Variants in INPP5J observed in about 807,000 individuals in gnomAD.
INPP5J encodes phosphatidylinositol 4,5-bisphosphate 5-phosphatase A.
In INPP5J, 75 loss-of-function variants were observed where a neutral mutation model predicts 86.6. That is an observed-to-expected ratio of 0.87 (90% CI 0.72 to 1.05). INPP5J has a LOEUF of 1.05. Ranked by LOEUF, INPP5J falls within the 50% of genes least tolerant of loss-of-function variation. The pLI is 0.00. For missense variants in INPP5J, 1,229 were observed against 1,341.2 expected, an observed-to-expected ratio of 0.92 and a Z score of 1.31; for synonymous variants, 540 against 550.0, an observed-to-expected ratio of 0.98 and a Z score of 0.25.
At chr22:31,127,182 C>T in intron 5 of INPP5J, 145 bp downstream of exon 5, 1 of 777,584 alleles carries the variant, frequency 1.3e-6, no homozygotes, top group Non-Finnish European at 2.1e-6. Context: ...CCCAATACCC[C>T]ATCCTATTCC....
At position 31,125,228 on chromosome 22, in the gene INPP5J, C is replaced by T; in HGVS notation, c.489C>T (p.Ser163=). Residue 163 remains serine (S), a synonymous_variant, in exon 2 of 13, where the codon TCC becomes TCT. Coordinates refer to ENST00000331075, the MANE Select transcript of INPP5J (RefSeq NM_001284285.2). ...TGGGGCCCAATCTGGCCCCAACCTC[C>T]AGAGACCAGAAGCAGGAGCCACCTG... is the stretch of plus-strand genomic sequence containing the variant. The part of the protein sequence containing the change: ...VTLGPNLAPT[S]RDQKQEPPAS... 1 of 1,550,566 alleles carries T rather than the reference C, an allele frequency of 6.4e-7. No homozygotes were observed. Among genetic ancestry groups the T allele is most frequent in the Non-Finnish European group, 8.7e-7 (1 of 1,146,978 alleles).
Position 31,126,025 on chromosome 22 carries a change from T to C in INPP5J, c.1271+15T>C. The C allele has an allele frequency of 6.5e-7, 1 of 1,544,038 alleles. No individual in the cohort carries two copies. Among genetic ancestry groups the C allele is most frequent in the Non-Finnish European group, 8.7e-7 (1 of 1,145,710 alleles). ...CCCGGCTTCCGGTGAGGGGGCCCTC[T>C]CCCAAGAAAGGTGGCTGGGGCTTAG... On this transcript the variant is annotated intron_variant, in intron 2 of 12. Coordinates refer to ENST00000331075, the MANE Select transcript of INPP5J (RefSeq NM_001284285.2).
chr22:31,129,232 C>CTTTTTTT (rs576089657), intron 9 of INPP5J, among the ~76,000 whole-genome samples: 6,031 of 79,032 alleles, frequency 0.076, 529 homozygotes, highest in Non-Finnish European at 0.11. Context: ...GTCTGGCCAA[C>CTTTTTTT]TTTTTTTTTT....
In INPP5J at chr22:31,122,988, G is replaced by A. The variant is rs1026416737; in HGVS notation, c.-27G>A. 14 of 1,382,372 alleles carry A rather than the reference G, an allele frequency of 1.0e-5. No individual in the cohort carries two copies. In the African/African-American group the frequency reaches 1.8e-4, roughly 18 times the overall value. 85.6% of individuals were successfully genotyped at this position (1,382,372 alleles called of 1,614,324 possible). On this transcript the variant is annotated 5_prime_UTR_variant, in exon 1 of 13. Transcript: ENST00000331075. ...GGTAGAGCTGGAGCCGGAGCCAAGG[G>A]AGTCCAGGCTGCCGGGGGCTGCAGA...
At chr22:31,128,432 C>A in intron 8 of INPP5J, 39 bp from the exon 9 acceptor site, 1 of 1,607,696 alleles carries the variant, frequency 6.2e-7, no homozygotes, top group East Asian at 2.2e-5. Flanking sequence ...CATCTTGATC[C>A]CCAGCCCCTG....
At position 31,133,920 on chromosome 22, in the gene INPP5J, T is replaced by C; in HGVS notation, c.2522T>C (p.Leu841Pro). The C allele has an allele frequency of 6.2e-7, 1 of 1,610,506 alleles. No individual in the cohort carries two copies. The highest frequency in any genetic ancestry group is 1.1e-5 in the South Asian group (1 of 91,004). ...GACCAGCATTTCCCCCAGATCTCGC[T>C]GCCTTCCTCGGAGTTGGCCAGCAGC... ...IGITEPFQISLPSSELASSST... is the reference protein window; with the variant it reads ...IGITEPFQISPPSSELASSST... The change falls in exon 13 of 13, where the codon CTG (leucine) becomes CCG (proline). Residue 841 changes from leucine to proline, a missense_variant. By Grantham distance (98) the Leu-to-Pro change is moderately conservative. Transcript: ENST00000331075.
chr22:31,130,300 C>T (rs945912557), intron 9 of INPP5J, among the ~76,000 whole-genome samples: 3 of 152,174 alleles, frequency 2.0e-5, no homozygotes, highest in Admixed American at 6.5e-5. Context: ...AGTATCGTGC[C>T]ACTGCACTCC....
rs1921272502 is a variant in INPP5J, at chr22:31,125,364, G to C, written c.625G>C (p.Val209Leu). 6.4e-7 allele frequency: 1 copy of C among 1,550,488 alleles called. No individual in the cohort carries two copies. ...CACCCCTTCCCCGGTGCCCAGTCCAGTTCTGTCTCCAACTCAGGAACAGGC... is the reference window on the plus strand; with the variant it reads ...CACCCCTTCCCCGGTGCCCAGTCCACTTCTGTCTCCAACTCAGGAACAGGC... ...PSTPSPVPSP[V>L]LSPTQEQALA... Residue 209 changes from valine to leucine, a missense_variant, in exon 2 of 13, where the codon GTT (valine) becomes CTT (leucine). Physicochemically the swap from Val to Leu is conservative, Grantham distance 32. Coordinates refer to ENST00000331075, the MANE Select transcript of INPP5J (RefSeq NM_001284285.2).
chr22:31,133,699 C>A lies in INPP5J; in HGVS notation c.2499C>A (p.Ile833=). 6.2e-7 allele frequency: 1 copy of A among 1,612,764 alleles called. No individual in the cohort carries two copies. The highest frequency in any genetic ancestry group is 8.5e-7 in the Non-Finnish European group (1 of 1,179,266). Residue 833 remains isoleucine, a synonymous_variant, in exon 12 of 13, where the codon ATC becomes ATA. Coordinates refer to ENST00000331075, the MANE Select transcript of INPP5J (RefSeq NM_001284285.2). ...ACAACCACAGCATCCTCATCGGCATCACTGAACCCTTCCAGGTAAGTAGGC... is the reference window on the plus strand; with the variant it reads ...ACAACCACAGCATCCTCATCGGCATAACTGAACCCTTCCAGGTAAGTAGGC... ...YSHNHSILIG[I]TEPFQISLPS... is the part of the protein sequence containing the mutation.
Position 31,126,979 on chromosome 22 carries a change from T to G in INPP5J, c.1553T>G (p.Leu518Arg). 4 of 1,610,578 alleles carry G rather than the reference T, an allele frequency of 2.5e-6. No homozygotes were observed. The highest frequency in any genetic ancestry group is 3.4e-6 in the Non-Finnish European group (4 of 1,178,504). The change falls in exon 5 of 13, where the codon CTG becomes CGG. Residue 518 changes from leucine to arginine, a missense_variant. Coordinates refer to ENST00000331075, the MANE Select transcript of INPP5J (RefSeq NM_001284285.2). Reference sequence around the variant, plus strand: ...CTGCTGTTCGCCAAGTACTACCACCTGCCCTTCCTGCGAGACGTGCAGACC... The same window carrying G: ...CTGCTGTTCGCCAAGTACTACCACCGGCCCTTCCTGCGAGACGTGCAGACC... ...ILLLFAKYYH[L>R]PFLRDVQTDC... is the part of the protein sequence containing the mutation.
chr22:31,128,553 C>G lies in INPP5J; in HGVS notation c.2092C>G (p.Arg698Gly), dbSNP rs533771550. 6 of 1,613,222 alleles carry G rather than the reference C, an allele frequency of 3.7e-6. No homozygotes were observed. The highest frequency in any genetic ancestry group is 1.1e-5 in the South Asian group (1 of 91,080). Residue 698 changes from arginine to glycine, a missense_variant, in exon 9 of 13, where the codon CGG becomes GGG. Transcript: ENST00000331075. ...APGGGPSPSGRKSHRLQVTQH... is the reference protein window; with the variant it reads ...APGGGPSPSGGKSHRLQVTQH... Reference sequence around the variant, plus strand: ...AGGTGGGGGTCCCAGCCCCTCAGGACGGAAGAGCCACCGACTCCAGGTGAC... The same window carrying G: ...AGGTGGGGGTCCCAGCCCCTCAGGAGGGAAGAGCCACCGACTCCAGGTGAC...
chr22:31,133,754 CTT>C (rs1922314774), intron 12 of INPP5J, 40 bp downstream of exon 12: 14 of 1,581,752 alleles, frequency 8.9e-6, no homozygotes, highest in Non-Finnish European at 1.2e-5. Flanking sequence ...TGCCTAAAGA[CTT>C]TTGTCAAATG....
chr22:31,126,746 C>A, intron 4 of INPP5J, 25 bp downstream of exon 4: 2 of 1,577,946 alleles, frequency 1.3e-6, no homozygotes, highest in Non-Finnish European at 1.7e-6. Context: ...ACCCCCTGGA[C>A]AGCCAGAGAC....
At position 31,133,922 on chromosome 22, in the gene INPP5J, C is replaced by G. The variant is rs1922336897; in HGVS notation, c.2524C>G (p.Pro842Ala). Residue 842 changes from proline (P) to alanine (A), a missense_variant, in exon 13 of 13, where the codon CCT becomes GCT. Transcript: ENST00000331075. Reference protein sequence around the residue: ...GITEPFQISLPSSELASSSTD... With the variant: ...GITEPFQISLASSELASSSTD... ...CCAGCATTTCCCCCAGATCTCGCTG[C>G]CTTCCTCGGAGTTGGCCAGCAGCAG... The G allele has an allele frequency of 2.5e-6, 4 of 1,610,586 alleles. No homozygotes were observed. Among genetic ancestry groups the G allele is most frequent in the Non-Finnish European group, 3.4e-6 (4 of 1,177,760 alleles).
rs769991803 is a variant in INPP5J at position 31,126,004 on chromosome 22, G to T, written c.1265G>T (p.Gly422Val). The T allele has an allele frequency of 3.9e-4, 615 of 1,565,404 alleles. No homozygotes were observed. The highest frequency in any genetic ancestry group is 5.1e-4 in the Middle Eastern group (3 of 5,842). ...CAGCCTACCTGGAAGAGCGACCCCG[G>T]CTTCCGGTGAGGGGGCCCTCTCCCA... ...SAQPTWKSDP[G>V]FRITVVTWNV... The change falls in exon 2 of 13, where the codon GGC becomes GTC. Residue 422 changes from glycine (G) to valine (V), a missense_variant. Gly to Val is a moderately radical substitution (Grantham distance 109). Coordinates refer to ENST00000331075, the MANE Select transcript of INPP5J (RefSeq NM_001284285.2).
chr22:31,123,167 CCA>C, intron 1 of INPP5J, 48 bp downstream of exon 1: 5 of 1,160,548 alleles, frequency 4.3e-6, no homozygotes, highest in Non-Finnish European at 5.8e-6. Context: ...ATCCCTGGTT[CCA>C]CACACCCCCC....
chr22:31,128,423 A>C (rs776089747), intron 8 of INPP5J, 48 bp from the exon 9 acceptor site: 1 of 1,602,684 alleles, frequency 6.2e-7, no homozygotes, highest in East Asian at 2.2e-5. Context: ...GGAGGGTTAC[A>C]TCTTGATCCC....
intron 6 of INPP5J, 84 bp downstream of exon 6, chr22:31,127,616 G>C: frequency 7.3e-7 from 1 of 1,373,388 alleles, no homozygotes; most frequent in Non-Finnish European, 9.9e-7. Context: ...GGCTTATGGA[G>C]AGAGGCAGGG....
rs761371240 is a variant in INPP5J, at chr22:31,128,068, G to A, written c.1899+6G>A. 13 of 1,599,534 alleles carry A rather than the reference G, an allele frequency of 8.1e-6. No homozygotes were observed. Among genetic ancestry groups the A allele is most frequent in the Non-Finnish European group, 1.0e-5 (12 of 1,167,058 alleles). The stretch of plus-strand genomic sequence containing the variant: ...AGCTCTGGGAGAAGGACCAGGTGGG[G>A]TCCTTGTCCCCAGAAGCACACAGAG... On this transcript the variant is annotated splice_donor_region_variant and intron_variant, in intron 7 of 12. Coordinates refer to ENST00000331075, the MANE Select transcript of INPP5J (RefSeq NM_001284285.2).
Sources: allele counts gnomAD v4.1 joint callset (sites outside exome capture counted in the v4.1 genomes callset), GRCh38; gene constraint gnomAD v4.1.1; transcripts MANE v1.5; gene names NCBI Gene and HGNC (gene_info 2026-07-23, HGNC 2026-07-21).